The following KIF13A variants were observed in gnomAD, a reference collection of about 807,000 sequenced individuals.
KIF13A encodes kinesin-like protein KIF13A.
KIF13A carries 79 observed loss-of-function variants against 212.2 expected under a neutral mutation model. That is an observed-to-expected ratio of 0.37 (90% CI 0.31 to 0.45). The LOEUF is 0.45. Among genes scored for constraint, KIF13A ranks in the 20% least tolerant of loss-of-function variants. The pLI is 1.00. For synonymous variants in KIF13A, 789 were observed against 808.6 expected (o/e 0.98, Z 0.41); for missense variants, 1,901 against 2,209.0 (o/e 0.86, Z 2.79).
At position 17,837,422 on chromosome 6, in the gene KIF13A, C is replaced by T; in HGVS notation, c.942+50G>A. On this transcript the variant is annotated intron_variant, in intron 10 of 38. Coordinates refer to ENST00000259711, the MANE Select transcript of KIF13A (RefSeq NM_022113.6). The surrounding 1 kb of genome is among the most constrained non-coding windows in gnomAD (Gnocchi z 5.4). ...TGTACACACCTTTACTCTGTCACAT[C>T]TGGAATAGCCAATTTTTAGTTGGAA... is the stretch of plus-strand genomic sequence containing the variant. The T allele has an allele frequency of 1.5e-6, 2 of 1,309,122 alleles. No homozygotes were observed. The highest frequency in any genetic ancestry group is 2.5e-5 in the South Asian group (2 of 79,296). The allele number at this position is 1,309,122 out of a possible 1,614,324, so 81.1% of individuals were successfully genotyped here. A position where few individuals can be genotyped will look rare whatever the true frequency, so the allele number is the denominator to read the frequency against.
intron 4 of KIF13A, among the ~76,000 whole-genome samples, chr6:17,867,196 C>T (rs589764): frequency 0.81 from 123,290 of 151,990 alleles, 50,475 homozygotes; most frequent in African/African-American, 0.91. Context: ...AAAAAGAGGG[C>T]TGCTGATTCT....
chr6:17,960,322 A>T (rs1778707132), intron 2 of KIF13A, among the ~76,000 whole-genome samples: 1 of 152,256 alleles, frequency 6.6e-6, no homozygotes, highest in Non-Finnish European at 1.5e-5. Flanking sequence ...CTTAACTGGA[A>T]ACACTAATGG....
chr6:17,936,513 C>T (rs1776478876), intron 2 of KIF13A: 1 of 154,194 alleles, frequency 6.5e-6, no homozygotes, highest in Admixed American at 6.6e-5. Context: ...GTGCAAGTGC[C>T]CCACTGTATG....
At chr6:17,830,576 T>A (rs183049824) in intron 13 of KIF13A, among the ~76,000 whole-genome samples, 16 of 152,202 alleles carry the variant, frequency 1.1e-4, no homozygotes, top group Admixed American at 8.5e-4. Flanking sequence ...CCATCCCACC[T>A]CTACACCTGA....
chr6:17,778,460 G>A lies in KIF13A; in HGVS notation c.4092+487C>T, dbSNP rs912843145. The stretch of plus-strand genomic sequence containing the variant: ...TATCTTATAGTTGCATTACTTAGTG[G>A]ATTATTTTCACTTGAATGACCTGTT... On this transcript the variant is annotated intron_variant, in intron 33 of 38. Transcript: ENST00000259711. Among the ~76,000 whole-genome samples the A allele has an allele frequency of 4.6e-5, 7 of 152,108 alleles. No homozygotes were observed. The East Asian group carries it at 9.7e-4, about 21-fold the overall frequency.
chr6:17,875,831 C>T (rs1581605603), intron 3 of KIF13A, among the ~76,000 whole-genome samples: 1 of 152,114 alleles, frequency 6.6e-6, no homozygotes, highest in Admixed American at 6.5e-5. Context: ...GCAATGTTCC[C>T]CAAAGTGTGT....
At position 17,856,987 on chromosome 6, in the gene KIF13A, C is replaced by A. The variant is rs1416898563; in HGVS notation, c.221-865G>T. On this transcript the variant is annotated intron_variant, in intron 4 of 38. Coordinates refer to ENST00000259711, the MANE Select transcript of KIF13A (RefSeq NM_022113.6). The surrounding 1 kb of genome is among the most constrained non-coding windows in gnomAD (Gnocchi z 4.5). The stretch of plus-strand genomic sequence containing the variant: ...GCTCCCTGATGCCCAAAACTATAAC[C>A]TGCTTATCTTCATAATCCTAGAGCC... Among the ~76,000 whole-genome samples, 1 of 152,162 alleles carries A rather than the reference C, an allele frequency of 6.6e-6. No individual in the cohort carries two copies. Among genetic ancestry groups the A allele is most frequent in the Non-Finnish European group, 1.5e-5 (1 of 68,026 alleles).
chr6:17,924,251 T>A (rs528289999), intron 2 of KIF13A, among the ~76,000 whole-genome samples: 1 of 152,334 alleles, frequency 6.6e-6, no homozygotes, highest in South Asian at 2.1e-4. Flanking sequence ...GCAGGACCCA[T>A]ACTTGATCTG....
intron 3 of KIF13A, among the ~76,000 whole-genome samples, chr6:17,875,119 G>C (rs1770428649): frequency 6.6e-6 from 1 of 151,862 alleles, no homozygotes; most frequent in South Asian, 2.1e-4. Context: ...ACATGCATGT[G>C]CAAGTATCTT....
At chr6:17,979,210 T>A (rs981578907) in intron 2 of KIF13A, among the ~76,000 whole-genome samples, 1 of 152,114 alleles carries the variant, frequency 6.6e-6, no homozygotes, top group African/African-American at 2.4e-5. Flanking sequence ...CAAGAATCGA[T>A]TGAACCTGGG....
chr6:17,884,784 CCAGCTGCCATTAA>C (rs1308109688), intron 3 of KIF13A, among the ~76,000 whole-genome samples: 2 of 152,150 alleles, frequency 1.3e-5, no homozygotes, highest in Non-Finnish European at 2.9e-5. Flanking sequence ...ATCTGCAGAC[CCAGCTGCCATTAA>C]CAGCCTGTTC....
intron 3 of KIF13A, among the ~76,000 whole-genome samples, chr6:17,885,018 T>C (rs1361963371): frequency 6.6e-6 from 1 of 152,238 alleles, no homozygotes; most frequent in Non-Finnish European, 1.5e-5. Context: ...AGTAAAGTTC[T>C]AGATTTCACT....
intron 2 of KIF13A, among the ~76,000 whole-genome samples, chr6:17,943,837 C>T (rs1043654999): frequency 1.6e-4 from 24 of 152,140 alleles, no homozygotes; most frequent in African/African-American, 5.8e-4. Context: ...ACCCACCCAG[C>T]ATGAGCATCA....
intron 4 of KIF13A, among the ~76,000 whole-genome samples, chr6:17,860,880 T>C (rs954336469): frequency 6.6e-6 from 1 of 152,186 alleles, no homozygotes; most frequent in African/African-American, 2.4e-5. Context: ...TATGAATAAA[T>C]GCGTCAACAC....
Position 17,829,190 on chromosome 6 carries a change from G to A in KIF13A, c.1402-820C>T, listed in dbSNP as rs537328719. Reference sequence around the variant, plus strand: ...TTGAACTCCTGGCCTCAAGTGATCCGCCCGCCTTGGTCTCCCAAAGTTCTG... The same window carrying A: ...TTGAACTCCTGGCCTCAAGTGATCCACCCGCCTTGGTCTCCCAAAGTTCTG... On this transcript the variant is annotated intron_variant, in intron 13 of 38. Transcript: ENST00000259711. This position sits in a 1 kb window ranked among gnomAD's most constrained non-coding sequence, Gnocchi z 5.4. Among the ~76,000 whole-genome samples the A allele has an allele frequency of 2.6e-5, 4 of 152,236 alleles. No individual in the cohort carries two copies. Among genetic ancestry groups the A allele is most frequent in the South Asian group, 2.1e-4 (1 of 4,818 alleles).
intron 2 of KIF13A, among the ~76,000 whole-genome samples, chr6:17,975,410 T>TA (rs1300820542): frequency 6.6e-6 from 1 of 152,148 alleles, no homozygotes; most frequent in East Asian, 1.9e-4. Context: ...TCTGGAGTTT[T>TA]TTCCTTTTGG....
intron 3 of KIF13A, among the ~76,000 whole-genome samples, chr6:17,894,937 A>G (rs1485485211): frequency 6.6e-6 from 1 of 152,198 alleles, no homozygotes; most frequent in East Asian, 1.9e-4. Flanking sequence ...CAGTTGGGTA[A>G]GAATAATGGT....
Position 17,789,909 on chromosome 6 carries a change from C to T in KIF13A, c.3224G>A (p.Arg1075Lys). 6.2e-7 allele frequency: 1 copy of T among 1,612,572 alleles called. No individual in the cohort carries two copies. Among genetic ancestry groups the T allele is most frequent in the South Asian group, 1.1e-5 (1 of 90,892 alleles). ...CATATCATCACCATCCTCATCATCT[C>T]TCTGGTAGGAAAAAATAAACACAAA... ...KLQRGLDSYQRDDEDGDDMDS... is the reference protein window; with the variant it reads ...KLQRGLDSYQKDDEDGDDMDS... Residue 1075 changes from arginine (R) to lysine (K), a missense_variant and splice_region_variant, in exon 26 of 39, where the codon AGA (arginine) becomes AAA (lysine). By Grantham distance (26) the Arg-to-Lys change is conservative. Around this residue, in one of 5 missense-constraint regions of KIF13A, gnomAD observed 168 missense variants for 250.9 expected, o/e 0.67. Transcript: ENST00000259711. This position sits in a 1 kb window ranked among gnomAD's most constrained non-coding sequence, Gnocchi z 4.8.
chr6:17,857,591 G>T (rs1044881630), intron 4 of KIF13A, among the ~76,000 whole-genome samples: 1 of 152,150 alleles, frequency 6.6e-6, no homozygotes, highest in Admixed American at 6.5e-5. Context: ...CTTTACAACA[G>T]TGTAAAAACA....
Sources: allele counts gnomAD v4.1 joint callset (sites outside exome capture counted in the v4.1 genomes callset), GRCh38; gene constraint gnomAD v4.1.1; regional missense constraint gnomAD v4.1.1; non-coding constraint Gnocchi (gnomAD v3.1); transcripts MANE v1.5; gene names NCBI Gene and HGNC (gene_info 2026-07-23, HGNC 2026-07-21).